GRK5: variants seen among roughly 807,000 people sequenced by gnomAD.
GRK5 encodes g protein-coupled receptor kinase GRK5.
GRK5 carries 40 observed loss-of-function variants against 78.4 expected under a neutral mutation model. The observed-to-expected ratio is 0.51, with a 90% CI of 0.40 to 0.66. GRK5 has a LOEUF of 0.66. Among genes scored for constraint, GRK5 ranks in the 30% least tolerant of loss-of-function variants. The pLI is 0.00. For synonymous variants in GRK5, 289 were observed against 296.8 expected, an observed-to-expected ratio of 0.97 and a Z score of 0.27; for missense variants, 598 against 759.9, an observed-to-expected ratio of 0.79 and a Z score of 2.50.
chr10:119,398,585 T>TC (rs1231244725), intron 4 of GRK5, among the ~76,000 whole-genome samples: 4 of 151,868 alleles, frequency 2.6e-5, no homozygotes, highest in Admixed American at 6.6e-5. Context: ...GTCACATGTG[T>TC]CCCCCCCAAA....
chr10:119,332,403 G>A (rs553740347), intron 2 of GRK5, among the ~76,000 whole-genome samples: 2 of 152,220 alleles, frequency 1.3e-5, no homozygotes, highest in South Asian at 2.1e-4. Context: ...CACTGCACCC[G>A]GCCAGCTATT....
rs919628443 is a variant in GRK5, at chr10:119,395,874, T to C, written c.262-821T>C. 3.3e-5 allele frequency among the ~76,000 whole-genome samples: 5 copies of C among 151,864 alleles called. 1 individual carries two copies. Among genetic ancestry groups the C allele is most frequent in the African/African-American group, 1.2e-4 (5 of 41,374 alleles). On this transcript the variant is annotated intron_variant, in intron 3 of 15. Transcript: ENST00000392870. Reference sequence around the variant, plus strand: ...GCTGCATGACCCTATGCAAGTCCCTTCCCACCGCCGGCCCTCGGGATCTCC... The same window carrying C: ...GCTGCATGACCCTATGCAAGTCCCTCCCCACCGCCGGCCCTCGGGATCTCC...
rs1798920011 is a variant in GRK5, at chr10:119,452,591, C to T, written c.1405-80C>T. On this transcript the variant is annotated intron_variant, in intron 13 of 15. Transcript: ENST00000392870. This position sits in a 1 kb window ranked among gnomAD's most constrained non-coding sequence, Gnocchi z 4.4. ...GTCCTGGGAAGACTCCCTTCTGCTC[C>T]CCAAAACCCCAAGGCCTGGCTCGGG... The T allele has an allele frequency of 1.3e-6, 2 of 1,564,756 alleles. No individual in the cohort carries two copies. Among genetic ancestry groups the T allele is most frequent in the African/African-American group, 2.7e-5 (2 of 74,130 alleles).
intron 1 of GRK5, among the ~76,000 whole-genome samples, chr10:119,293,029 C>A (rs538160419): frequency 6.6e-6 from 1 of 152,296 alleles, no homozygotes; most frequent in African/African-American, 2.4e-5. Context: ...TTGGTGGCTT[C>A]ATCTCCTGTC....
At chr10:119,231,441 C>T (rs928982812) in intron 1 of GRK5, among the ~76,000 whole-genome samples, 5 of 152,078 alleles carry the variant, frequency 3.3e-5, no homozygotes, top group African/African-American at 1.2e-4. Context: ...TGCAGTGGGT[C>T]ATGCCTGTAA....
chr10:119,231,903 C>T (rs560026441), intron 1 of GRK5, among the ~76,000 whole-genome samples: 10 of 152,176 alleles, frequency 6.6e-5, no homozygotes, highest in East Asian at 1.9e-4. Context: ...AGTACAGCCA[C>T]GATGGAGAAC....
chr10:119,438,965 G>A (rs879849582), intron 9 of GRK5, among the ~76,000 whole-genome samples: 6 of 152,244 alleles, frequency 3.9e-5, no homozygotes, highest in Non-Finnish European at 7.3e-5. Context: ...ACAAAGCTGG[G>A]TGGTTGAGAA....
In GRK5 at chr10:119,443,017, G is replaced by T. The variant is rs373950249; in HGVS notation, c.1058-527G>T. Among the ~76,000 whole-genome samples, 30 of 152,288 alleles carry T rather than the reference G, an allele frequency of 2.0e-4. No individual in the cohort carries two copies. In the South Asian group the frequency reaches 6.0e-3, roughly 31 times the overall value. On this transcript the variant is annotated intron_variant, in intron 11 of 15. Coordinates refer to ENST00000392870, the MANE Select transcript of GRK5 (RefSeq NM_005308.3). ...GTGTTCCATGCATCTGTCTGCCCCG[G>T]CTCTTGTGTGCAAACCAGCACATGT... is the stretch of plus-strand genomic sequence containing the variant.
intron 4 of GRK5, among the ~76,000 whole-genome samples, chr10:119,422,501 TGC>T (rs1852589932): frequency 6.6e-6 from 1 of 152,222 alleles, no homozygotes; most frequent in Non-Finnish European, 1.5e-5. Flanking sequence ...AGGCCACAGC[TGC>T]GAGTCACAGA....
At chr10:119,283,572 T>C (rs4752271) in intron 1 of GRK5, among the ~76,000 whole-genome samples, 151,293 of 152,366 alleles carry the variant, frequency 0.99, 75,122 homozygotes, top group East Asian at 1. Context: ...CCAGTGCTGA[T>C]GGTGTCTCTG....
chr10:119,306,050 G>A (rs1237012526), intron 1 of GRK5, among the ~76,000 whole-genome samples: 1 of 152,102 alleles, frequency 6.6e-6, no homozygotes. Flanking sequence ...GGGAGTCCTG[G>A]GTGTCAGCTG....
chr10:119,228,596 G>T (rs1848779198), intron 1 of GRK5, among the ~76,000 whole-genome samples: 1 of 151,962 alleles, frequency 6.6e-6, no homozygotes, highest in Non-Finnish European at 1.5e-5. Context: ...GCTCCAGCCT[G>T]GGGTGACGAG....
chr10:119,373,936 C>T (rs1478276204), intron 2 of GRK5, among the ~76,000 whole-genome samples: 1 of 152,172 alleles, frequency 6.6e-6, no homozygotes, highest in Admixed American at 6.5e-5. Context: ...GTGAAAGAGA[C>T]CATATGGCCC....
chr10:119,384,032 C>T lies in GRK5; in HGVS notation c.261+3105C>T, dbSNP rs536205049. Among the ~76,000 whole-genome samples the T allele has an allele frequency of 1.4e-4, 22 of 152,314 alleles. No individual in the cohort carries two copies. The South Asian group carries it at 4.1e-3, about 29-fold the overall frequency. On this transcript the variant is annotated intron_variant, in intron 3 of 15. Coordinates refer to ENST00000392870, the MANE Select transcript of GRK5 (RefSeq NM_005308.3). ...GCTGACTTACCAGATCTTCCAGCAT[C>T]AGCTCCTGCCCACCTTTTCACCGTT...
At chr10:119,214,301 C>G (rs181671319) in intron 1 of GRK5, among the ~76,000 whole-genome samples, 8 of 152,300 alleles carry the variant, frequency 5.3e-5, no homozygotes, top group Admixed American at 4.6e-4. Context: ...AACTGATCAA[C>G]TAGGTGTGAA....
chr10:119,358,264 G>T (rs1260965728), intron 2 of GRK5, among the ~76,000 whole-genome samples: 1 of 152,178 alleles, frequency 6.6e-6, no homozygotes, highest in Non-Finnish European at 1.5e-5. Flanking sequence ...TTGTCTGACA[G>T]TCACCCATGA....
chr10:119,223,377 G>A lies in GRK5; in HGVS notation c.52+15408G>A, dbSNP rs147661412. Among the ~76,000 whole-genome samples, 532 of 152,274 alleles carry A rather than the reference G, an allele frequency of 3.5e-3. 1 individual carries two copies. Among genetic ancestry groups the A allele is most frequent in the Middle Eastern group, 6.8e-3 (2 of 294 alleles). On this transcript the variant is annotated intron_variant, in intron 1 of 15. Transcript: ENST00000392870. ...TTCAACATAATCTTCTTTGGAGGACGCAGTGAACCCTGGAACACAGGCCCT... is the reference window on the plus strand; with the variant it reads ...TTCAACATAATCTTCTTTGGAGGACACAGTGAACCCTGGAACACAGGCCCT...
chr10:119,411,659 C>T (rs1374916025), intron 4 of GRK5, among the ~76,000 whole-genome samples: 2 of 152,198 alleles, frequency 1.3e-5, no homozygotes, highest in East Asian at 3.9e-4. Context: ...CTTGGAGATT[C>T]ATATCCTTTT....
intron 1 of GRK5, among the ~76,000 whole-genome samples, chr10:119,218,071 C>T (rs1373781733): frequency 2.1e-5 from 3 of 139,562 alleles, no homozygotes; most frequent in East Asian, 2.2e-4. Flanking sequence ...CATGTCAACC[C>T]GTTTGTGTGT....
Sources: gnomAD v4.1 joint callset for allele counts (sites outside exome capture counted in the v4.1 genomes callset) on GRCh38, gnomAD v4.1.1 for gene constraint, Gnocchi (gnomAD v3.1) non-coding constraint, MANE v1.5 for transcripts, NCBI Gene and HGNC (gene_info 2026-07-23, HGNC 2026-07-21) for gene names.